TBC1D22A: variants seen among roughly 807,000 people sequenced by gnomAD.
TBC1D22A encodes the protein putative GTPase activator.
TBC1D22A carries 38 observed loss-of-function variants against 60.2 expected under a neutral mutation model. The ratio of observed to expected loss-of-function variants is 0.63; its 90% CI spans 0.49 to 0.83. The LOEUF (loss-of-function observed/expected upper bound fraction) is 0.83, where lower values mean the gene tolerates loss of function less well. TBC1D22A is among the 40% of genes least tolerant of loss of function. TBC1D22A has a pLI of 0.00. For synonymous variants in TBC1D22A, 302 were observed against 281.7 expected (o/e 1.07, Z -0.72); for missense variants, 628 against 701.0 (o/e 0.90, Z 1.18).
rs548870055 is a variant in TBC1D22A at position 47,096,680 on chromosome 22, G to A, written c.1330-14828G>A. ...CTACTAAAAATACAAAAATTAGCCGGGTGTAGTGGCGCATGCCTGTAAGCC... is the reference window on the plus strand; with the variant it reads ...CTACTAAAAATACAAAAATTAGCCGAGTGTAGTGGCGCATGCCTGTAAGCC... On this transcript the variant is annotated intron_variant, in intron 11 of 12. Coordinates refer to ENST00000337137, the MANE Select transcript of TBC1D22A (RefSeq NM_014346.5). Among the ~76,000 whole-genome samples the A allele has an allele frequency of 2.0e-5, 3 of 152,174 alleles. No individual in the cohort carries two copies. The East Asian group carries it at 5.8e-4, about 29-fold the overall frequency.
chr22:47,169,653 G>A (rs1601753367), intron 12 of TBC1D22A, among the ~76,000 whole-genome samples: 1 of 152,172 alleles, frequency 6.6e-6, no homozygotes, highest in Non-Finnish European at 1.5e-5. Flanking sequence ...GAAAGGCAGG[G>A]TGCACTCCAC....
At chr22:46,977,015 T>G (rs2074325612) in intron 9 of TBC1D22A, among the ~76,000 whole-genome samples, 1 of 152,110 alleles carries the variant, frequency 6.6e-6, no homozygotes, top group Non-Finnish European at 1.5e-5. Context: ...TGACGGTGCT[T>G]CTTGGCGTGG....
intron 11 of TBC1D22A, among the ~76,000 whole-genome samples, chr22:47,059,283 G>T (rs575216450): frequency 6.6e-6 from 1 of 152,356 alleles, no homozygotes; most frequent in South Asian, 2.1e-4. Flanking sequence ...GTGCGCACGC[G>T]TCTGGTGTGG....
chr22:46,899,115 A>G (rs1381887135), intron 7 of TBC1D22A, among the ~76,000 whole-genome samples: 1 of 152,092 alleles, frequency 6.6e-6, no homozygotes, highest in Non-Finnish European at 1.5e-5. Flanking sequence ...TGTGTGGGGA[A>G]ACTGAATGAT....
intron 8 of TBC1D22A, among the ~76,000 whole-genome samples, chr22:46,957,364 C>G (rs1010256140): frequency 6.6e-6 from 1 of 152,194 alleles, no homozygotes; most frequent in African/African-American, 2.4e-5. Context: ...GGAAGCATGG[C>G]TGGAAGGCCT....
At chr22:46,973,684 A>G (rs1460698120) in intron 8 of TBC1D22A, among the ~76,000 whole-genome samples, 1 of 152,256 alleles carries the variant, frequency 6.6e-6, no homozygotes, top group African/African-American at 2.4e-5. Flanking sequence ...AGCCATTTCA[A>G]TTAGGCATCT....
At chr22:46,901,061 T>C (rs2068965365) in intron 7 of TBC1D22A, among the ~76,000 whole-genome samples, 1 of 152,274 alleles carries the variant, frequency 6.6e-6, no homozygotes, top group African/African-American at 2.4e-5. Flanking sequence ...TTTGCTTCTT[T>C]GATCTGTTAA....
intron 11 of TBC1D22A, among the ~76,000 whole-genome samples, chr22:47,097,910 T>G (rs1403346695): frequency 6.6e-6 from 1 of 152,136 alleles, no homozygotes; most frequent in Admixed American, 6.5e-5. Context: ...CAGAATACCC[T>G]TTCATCTGTT....
chr22:47,049,341 T>TGC (rs1569387245), intron 11 of TBC1D22A, among the ~76,000 whole-genome samples: 14 of 151,484 alleles, frequency 9.2e-5, no homozygotes, highest in East Asian at 7.8e-4. Context: ...GAAGCGGGCA[T>TGC]GGGCGCTGGG....
In TBC1D22A at chr22:47,149,006, T is replaced by G. The variant is rs115143634; in HGVS notation, c.1426-24492T>G. Among the ~76,000 whole-genome samples the G allele has an allele frequency of 9.5e-3, 1,453 of 152,236 alleles. 17 individuals are homozygous for G. Among genetic ancestry groups the G allele is most frequent in the African/African-American group, 0.033 (1,360 of 41,520 alleles). ...CCACGGCTTCCCATGTGTCCCTTCA[T>G]GCAGGTTATGGGTGTGAGTGGACGA... On this transcript the variant is annotated intron_variant, in intron 12 of 12. Transcript: ENST00000337137.
intron 4 of TBC1D22A, among the ~76,000 whole-genome samples, chr22:46,850,073 G>A (rs980460172): frequency 1.6e-4 from 24 of 152,242 alleles, no homozygotes; most frequent in African/African-American, 5.8e-4. Context: ...GTGTGCATCT[G>A]TGCAGCAGCT....
intron 11 of TBC1D22A, among the ~76,000 whole-genome samples, chr22:47,091,218 CA>C (rs2064945512): frequency 7.3e-6 from 1 of 136,666 alleles, no homozygotes; most frequent in Non-Finnish European, 1.5e-5. Context: ...TTGATAGAGA[CA>C]GGCAGGAGAA....
At chr22:46,787,276 C>T (rs531143666) in intron 1 of TBC1D22A, among the ~76,000 whole-genome samples, 1 of 152,274 alleles carries the variant, frequency 6.6e-6, no homozygotes, top group East Asian at 1.9e-4. Flanking sequence ...AGAACCATCT[C>T]TTGGTTTTGT....
rs534985316 is a variant in TBC1D22A, at chr22:47,005,129, G to A, written c.1201+7420G>A. Among the ~76,000 whole-genome samples the A allele has an allele frequency of 1.6e-4, 24 of 151,128 alleles. No individual in the cohort carries two copies. The South Asian group carries it at 3.6e-3, about 22-fold the overall frequency. On this transcript the variant is annotated intron_variant, in intron 10 of 12. Coordinates refer to ENST00000337137, the MANE Select transcript of TBC1D22A (RefSeq NM_014346.5). ...TTTGTATTCACACACTCTTACACACGTGTCTATACACAAACACATGCCTGT... is the reference window on the plus strand; with the variant it reads ...TTTGTATTCACACACTCTTACACACATGTCTATACACAAACACATGCCTGT...
rs920884508 is a variant in TBC1D22A at position 47,028,668 on chromosome 22, A to G, written c.1202-8403A>G. ...TTGGGTCTGACCTGTCTTCAGCCCC[A>G]TCCTTGTGTTGAGCATGTGAGAAGA... On this transcript the variant is annotated intron_variant, in intron 10 of 12. Coordinates refer to ENST00000337137, the MANE Select transcript of TBC1D22A (RefSeq NM_014346.5). The surrounding 1 kb of genome is among the most constrained non-coding windows in gnomAD (Gnocchi z 4.4). Among the ~76,000 whole-genome samples the G allele has an allele frequency of 6.6e-6, 1 of 152,144 alleles. No homozygotes were observed. Among genetic ancestry groups the G allele is most frequent in the Non-Finnish European group, 1.5e-5 (1 of 68,034 alleles).
In TBC1D22A at chr22:46,853,388, A is replaced by G. The variant is rs73468786; in HGVS notation, c.638-25265A>G. Among the ~76,000 whole-genome samples, 1,469 of 152,300 alleles carry G rather than the reference A, an allele frequency of 9.6e-3. 28 individuals are homozygous for G. Among genetic ancestry groups the G allele is most frequent in the African/African-American group, 0.034 (1,394 of 41,550 alleles). On this transcript the variant is annotated intron_variant, in intron 4 of 12. Transcript: ENST00000337137. Reference sequence around the variant, plus strand: ...TTCTACTCAACCGTACCGTGGAAGGATGGGCGCAGGAAATCTTGAACATTT... The same window carrying G: ...TTCTACTCAACCGTACCGTGGAAGGGTGGGCGCAGGAAATCTTGAACATTT...
intron 8 of TBC1D22A, among the ~76,000 whole-genome samples, chr22:46,958,090 C>G (rs894816283): frequency 6.6e-6 from 1 of 151,914 alleles, no homozygotes. Context: ...TTCTGCAGGT[C>G]GGGGAGCAGT....
At chr22:46,874,560 G>GTTT (rs1313595862) in intron 4 of TBC1D22A, among the ~76,000 whole-genome samples, 1 of 59,184 alleles carries the variant, frequency 1.7e-5, no homozygotes, top group African/African-American at 6.5e-5. Flanking sequence ...CTACAGGTAT[G>GTTT]TCTTTTTTTT....
intron 10 of TBC1D22A, among the ~76,000 whole-genome samples, chr22:47,002,258 G>A (rs1042546371): frequency 1.6e-4 from 24 of 152,084 alleles, no homozygotes; most frequent in African/African-American, 5.8e-4. Context: ...TCCTAATGAC[G>A]TCCCCTGTAC....
Sources: allele counts gnomAD v4.1 joint callset (sites outside exome capture counted in the v4.1 genomes callset), GRCh38; gene constraint gnomAD v4.1.1; non-coding constraint Gnocchi (gnomAD v3.1); transcripts MANE v1.5; gene names NCBI Gene and HGNC (gene_info 2026-07-23, HGNC 2026-07-21).